The following MBNL1 variants were observed in gnomAD, a reference collection of about 807,000 sequenced individuals.
The protein encoded by MBNL1 is muscleblind-like protein 1.
MBNL1 carries 8 observed loss-of-function variants against 42.2 expected under a neutral mutation model. That is an observed-to-expected ratio of 0.19 (90% confidence interval 0.11 to 0.34). The LOEUF (loss-of-function observed/expected upper bound fraction) is 0.34. Among genes scored for constraint, MBNL1 ranks in the 10% least tolerant of loss-of-function variants. The probability of loss-of-function intolerance (pLI) is 1.00; values close to 1 mark genes in which losing one functional copy is unlikely to be tolerated. For missense variants in MBNL1, 309 were observed against 495.3 expected, an observed-to-expected ratio of 0.62 and a Z score of 3.57; for synonymous variants, 169 against 173.9, an observed-to-expected ratio of 0.97 and a Z score of 0.22.
intron 2 of MBNL1, among the ~76,000 whole-genome samples, chr3:152,311,775 A>G (rs1258764193): frequency 6.6e-6 from 1 of 152,250 alleles, no homozygotes; most frequent in African/African-American, 2.4e-5. Flanking sequence ...CGTTGATTCT[A>G]TTTTGTTCAT....
chr3:152,438,761 C>T (rs1031052168), intron 4 of MBNL1, among the ~76,000 whole-genome samples: 2 of 152,156 alleles, frequency 1.3e-5, no homozygotes, highest in Admixed American at 6.5e-5. Flanking sequence ...ACTTTTTCAT[C>T]GTTTACTTAA....
intron 2 of MBNL1, among the ~76,000 whole-genome samples, chr3:152,324,153 A>G (rs1371173591): frequency 6.6e-6 from 1 of 152,184 alleles, no homozygotes; most frequent in Non-Finnish European, 1.5e-5. Context: ...CATTAATCAC[A>G]TATAAAGAAT....
At chr3:152,321,225 G>C (rs1244201177) in intron 2 of MBNL1, among the ~76,000 whole-genome samples, 1 of 152,042 alleles carries the variant, frequency 6.6e-6, no homozygotes, top group Non-Finnish European at 1.5e-5. Flanking sequence ...AGGATCATCA[G>C]GGGAGTTAAA....
At chr3:152,375,637 A>G (rs1002135063) in intron 2 of MBNL1, among the ~76,000 whole-genome samples, 9 of 151,982 alleles carry the variant, frequency 5.9e-5, no homozygotes, top group African/African-American at 1.9e-4. Context: ...GCCCCAGGCT[A>G]TTCTTCTCAA....
At chr3:152,318,025 A>G (rs549636401) in intron 2 of MBNL1, among the ~76,000 whole-genome samples, 86 of 152,340 alleles carry the variant, frequency 5.6e-4, no homozygotes, top group African/African-American at 2.0e-3. Flanking sequence ...TTGCTTTAGA[A>G]CTTCATGCAT....
At chr3:152,426,855 G>C (rs1023507134) in intron 3 of MBNL1, among the ~76,000 whole-genome samples, 1 of 152,204 alleles carries the variant, frequency 6.6e-6, no homozygotes, top group Non-Finnish European at 1.5e-5. Context: ...TGTCTTGAGA[G>C]CTTCTTTGCT....
intron 2 of MBNL1, among the ~76,000 whole-genome samples, chr3:152,322,806 G>C (rs1418209021): frequency 6.6e-6 from 1 of 152,062 alleles, no homozygotes; most frequent in Non-Finnish European, 1.5e-5. Flanking sequence ...CTACTACTGT[G>C]ACAAGAAGAG....
chr3:152,319,872 T>C (rs757949008), intron 2 of MBNL1, among the ~76,000 whole-genome samples: 1 of 152,062 alleles, frequency 6.6e-6, no homozygotes, highest in Non-Finnish European at 1.5e-5. Flanking sequence ...TAATTCTTTC[T>C]TTGTGCTCTT....
chr3:152,272,576 TA>T (rs141806024), intron 1 of MBNL1, among the ~76,000 whole-genome samples: 109 of 145,808 alleles, frequency 7.5e-4, no homozygotes, highest in South Asian at 8.7e-4. Flanking sequence ...TTTAGAAAGT[TA>T]AAAAAAAAAA....
chr3:152,281,215 T>A (rs1026340398), intron 1 of MBNL1, among the ~76,000 whole-genome samples: 1 of 152,096 alleles, frequency 6.6e-6, no homozygotes, highest in South Asian at 2.1e-4. Context: ...TTGGAAAGAT[T>A]AAGGTTAGGG....
At chr3:152,377,503 A>G (rs1267328539) in intron 2 of MBNL1, among the ~76,000 whole-genome samples, 1 of 152,226 alleles carries the variant, frequency 6.6e-6, no homozygotes, top group Non-Finnish European at 1.5e-5. Context: ...TAAAAGGCCT[A>G]TTGAATAGAA....
At chr3:152,338,285 C>T (rs968676457) in intron 2 of MBNL1, 1 of 985,294 alleles carries the variant, frequency 1.0e-6, no homozygotes, top group Non-Finnish European at 1.2e-6. Context: ...AATTGTTCCT[C>T]TTCTCCCAGG....
intron 2 of MBNL1, among the ~76,000 whole-genome samples, chr3:152,397,079 A>G (rs1385550649): frequency 6.6e-6 from 1 of 152,202 alleles, no homozygotes; most frequent in Admixed American, 6.5e-5. Flanking sequence ...TGGCACATGT[A>G]ATAGGATGTG....
At chr3:152,416,041 A>G (rs2098696774) in intron 3 of MBNL1, among the ~76,000 whole-genome samples, 1 of 152,220 alleles carries the variant, frequency 6.6e-6, no homozygotes, top group Non-Finnish European at 1.5e-5. Context: ...TATATGCAGT[A>G]TCGTGGGGTC....
intron 1 of MBNL1, among the ~76,000 whole-genome samples, chr3:152,280,084 G>T (rs993926705): frequency 1.3e-5 from 2 of 152,130 alleles, no homozygotes; most frequent in African/African-American, 4.8e-5. Context: ...GGCTGCAAAA[G>T]AAAGCATCCT....
chr3:152,378,681 T>C (rs78214977), intron 2 of MBNL1, among the ~76,000 whole-genome samples: 3 of 152,204 alleles, frequency 2.0e-5, no homozygotes, highest in Non-Finnish European at 4.4e-5. Flanking sequence ...TGCATCATTA[T>C]TGAAACAGGA....
rs2099207047 is a variant in MBNL1, at chr3:152,445,272, G to C, written c.550-10G>C. 1.2e-6 allele frequency: 2 copies of C among 1,606,350 alleles called. No individual in the cohort carries two copies. Among genetic ancestry groups the C allele is most frequent in the African/African-American group, 2.7e-5 (2 of 74,764 alleles). On this transcript the variant is annotated splice_polypyrimidine_tract_variant and intron_variant, in intron 4 of 9. Coordinates refer to ENST00000324210, the MANE Select transcript of MBNL1 (RefSeq NM_021038.5). Reference sequence around the variant, plus strand: ...GTTGACTAAACCTCATGTACTTAATGACCTCATAGGTATGTCGAGAGTACC... The same window carrying C: ...GTTGACTAAACCTCATGTACTTAATCACCTCATAGGTATGTCGAGAGTACC...
At chr3:152,305,290 T>C (rs1478866307) in intron 2 of MBNL1, among the ~76,000 whole-genome samples, 2 of 152,184 alleles carry the variant, frequency 1.3e-5, no homozygotes, top group Non-Finnish European at 2.9e-5. Flanking sequence ...GGAATGTTTC[T>C]CAGACCTAGC....
intron 6 of MBNL1, among the ~76,000 whole-genome samples, chr3:152,454,728 C>T (rs987485336): frequency 5.3e-5 from 8 of 152,080 alleles, no homozygotes; most frequent in African/African-American, 1.4e-4. Context: ...CAGTTTCTTG[C>T]GTGTGAAATT....
Sources: gnomAD v4.1 joint callset for allele counts (sites outside exome capture counted in the v4.1 genomes callset) on GRCh38, gnomAD v4.1.1 for gene constraint, MANE v1.5 for transcripts, NCBI Gene and HGNC (gene_info 2026-07-23, HGNC 2026-07-21) for gene names.